Variants in SUPT3H observed in about 807,000 individuals in gnomAD.
The protein encoded by SUPT3H is transcription initiation protein SPT3 homolog.
A neutral mutation model predicts 44.3 loss-of-function variants in SUPT3H; 44 were observed. The ratio of observed to expected loss-of-function variants is 0.99; its 90% CI spans 0.78 to 1.28. The LOEUF is 1.28. SUPT3H is among the 50% of genes most tolerant of loss of function. The pLI is 0.00. For synonymous variants in SUPT3H, 124 were observed against 125.6 expected (o/e 0.99, Z 0.09); for missense variants, 380 against 387.1 (o/e 0.98, Z 0.15).
At chr6:45,186,442 C>T (rs1814226827) in intron 2 of SUPT3H, among the ~76,000 whole-genome samples, 1 of 151,916 alleles carries the variant, frequency 6.6e-6, no homozygotes, top group Non-Finnish European at 1.5e-5. Flanking sequence ...AGCAAAGAAA[C>T]ACAATTAAAA....
intron 2 of SUPT3H, among the ~76,000 whole-genome samples, chr6:45,198,715 G>C (rs1205129787): frequency 2.3e-5 from 1 of 43,232 alleles, no homozygotes; most frequent in Non-Finnish European, 5.1e-5. Context: ...AGTGGTTTTT[G>C]ACTAAGCTGC....
intron 10 of SUPT3H, among the ~76,000 whole-genome samples, chr6:44,918,250 A>G (rs1454489139): frequency 1.3e-5 from 2 of 152,212 alleles, no homozygotes; most frequent in Non-Finnish European, 2.9e-5. Flanking sequence ...TGGAAAGCCT[A>G]CAAAATCCCT....
At chr6:45,215,377 G>C (rs971419544) in intron 2 of SUPT3H, among the ~76,000 whole-genome samples, 50 of 151,990 alleles carry the variant, frequency 3.3e-4, no homozygotes, top group African/African-American at 1.2e-3. Flanking sequence ...GCCTGAAAAA[G>C]AATTCAAAAT....
At chr6:44,836,095 A>C (rs756400479) in intron 10 of SUPT3H, among the ~76,000 whole-genome samples, 1 of 152,202 alleles carries the variant, frequency 6.6e-6, no homozygotes, top group Non-Finnish European at 1.5e-5. Flanking sequence ...GCGTGTGGGC[A>C]AGATATTTAA....
At chr6:44,935,631 C>G (rs559224375) in intron 9 of SUPT3H, among the ~76,000 whole-genome samples, 6 of 152,276 alleles carry the variant, frequency 3.9e-5, no homozygotes, top group African/African-American at 1.4e-4. Context: ...TGGCTGCATT[C>G]ACACTCTATT....
At chr6:44,895,530 T>C (rs1764001791) in intron 10 of SUPT3H, among the ~76,000 whole-genome samples, 1 of 152,210 alleles carries the variant, frequency 6.6e-6, no homozygotes, top group Admixed American at 6.5e-5. Context: ...AGAGACAGTC[T>C]CTGAGAAATA....
chr6:44,926,024 A>G (rs1408750435), intron 10 of SUPT3H, among the ~76,000 whole-genome samples: 2 of 152,142 alleles, frequency 1.3e-5, no homozygotes, highest in Non-Finnish European at 2.9e-5. Context: ...CATACAAAAC[A>G]TTATCAATAA....
intron 2 of SUPT3H, among the ~76,000 whole-genome samples, chr6:45,164,370 A>G (rs1243227388): frequency 6.6e-6 from 1 of 152,164 alleles, no homozygotes; most frequent in Non-Finnish European, 1.5e-5. Flanking sequence ...GTGTTTGTTC[A>G]TATTTTCCTT....
At chr6:45,265,124 A>C (rs1366258597) in intron 2 of SUPT3H, among the ~76,000 whole-genome samples, 1 of 152,132 alleles carries the variant, frequency 6.6e-6, no homozygotes, top group Non-Finnish European at 1.5e-5. Flanking sequence ...TTCAGATTAA[A>C]GCAATATTTT....
intron 3 of SUPT3H, among the ~76,000 whole-genome samples, chr6:45,045,748 G>A (rs1789293318): frequency 6.6e-6 from 1 of 151,988 alleles, no homozygotes; most frequent in Non-Finnish European, 1.5e-5. Flanking sequence ...TTTTTTACCT[G>A]TTTATCATTG....
At chr6:44,954,051 T>C (rs574483801) in intron 8 of SUPT3H, among the ~76,000 whole-genome samples, 159 of 152,314 alleles carry the variant, frequency 1.0e-3, no homozygotes, top group African/African-American at 3.6e-3. Context: ...ATTTGCATTT[T>C]AAACAAGAAC....
chr6:45,303,754 G>A (rs1291796450), intron 2 of SUPT3H, among the ~76,000 whole-genome samples: 2 of 151,618 alleles, frequency 1.3e-5, no homozygotes, highest in East Asian at 3.9e-4. Context: ...CAGCACTTTG[G>A]GAGGCCAAGG....
At chr6:45,112,142 T>C (rs1448120279) in intron 2 of SUPT3H, among the ~76,000 whole-genome samples, 1 of 152,180 alleles carries the variant, frequency 6.6e-6, no homozygotes, top group South Asian at 2.1e-4. Context: ...TTATTTTGAA[T>C]CAAATATATC....
chr6:45,059,101 A>T lies in SUPT3H; in HGVS notation c.187-38469T>A, dbSNP rs539021752. On this transcript the variant is annotated intron_variant, in intron 3 of 10. Coordinates refer to ENST00000371459, the MANE Select transcript of SUPT3H (RefSeq NM_003599.4). Reference sequence around the variant, plus strand: ...TCATAGTATTTTCTACATAGCATAGAACCAAGTTTTGGTATACAGTACTGG... The same window carrying T: ...TCATAGTATTTTCTACATAGCATAGTACCAAGTTTTGGTATACAGTACTGG... 1.8e-3 allele frequency among the ~76,000 whole-genome samples: 281 copies of T among 152,214 alleles called. 1 individual carries two copies. Among genetic ancestry groups the T allele is most frequent in the African/African-American group, 6.3e-3 (260 of 41,556 alleles).
chr6:44,888,610 C>A (rs1245900802), intron 10 of SUPT3H, among the ~76,000 whole-genome samples: 1 of 152,068 alleles, frequency 6.6e-6, no homozygotes, highest in African/African-American at 2.4e-5. Context: ...TTGATGGGAC[C>A]TATCACAAAA....
At chr6:45,024,664 T>C (rs1440931673) in intron 3 of SUPT3H, among the ~76,000 whole-genome samples, 3 of 152,212 alleles carry the variant, frequency 2.0e-5, no homozygotes, top group Non-Finnish European at 2.9e-5. Flanking sequence ...GTGTGTCAAT[T>C]TGACTGGACC....
intron 2 of SUPT3H, among the ~76,000 whole-genome samples, chr6:45,114,402 T>C (rs1168405187): frequency 1.3e-5 from 2 of 152,082 alleles, no homozygotes; most frequent in East Asian, 1.9e-4. Flanking sequence ...AATCACGAAA[T>C]GTATGCAATG....
intron 9 of SUPT3H, among the ~76,000 whole-genome samples, chr6:44,944,393 T>C (rs1204208214): frequency 6.6e-6 from 1 of 151,010 alleles, no homozygotes; most frequent in East Asian, 1.9e-4. Flanking sequence ...AGAAAAGAAA[T>C]AGGAAAAGTT....
chr6:44,889,753 T>C (rs1047851109), intron 10 of SUPT3H, among the ~76,000 whole-genome samples: 12 of 151,882 alleles, frequency 7.9e-5, no homozygotes, highest in Non-Finnish European at 1.5e-4. Context: ...AAAGACAAAA[T>C]TGACAAATGG....
Sources: gnomAD v4.1 joint callset for allele counts (sites outside exome capture counted in the v4.1 genomes callset) on GRCh38, gnomAD v4.1.1 for gene constraint, MANE v1.5 for transcripts, NCBI Gene and HGNC (gene_info 2026-07-23, HGNC 2026-07-21) for gene names.